Variants in IL1RAPL1 observed in about 807,000 individuals in gnomAD.
IL1RAPL1 encodes the protein interleukin-1 receptor accessory protein-like 1.
Under a neutral mutation model 48.4 loss-of-function variants are expected in IL1RAPL1, and 3 were observed. The ratio of observed to expected loss-of-function variants is 0.06; its 90% confidence interval spans 0.03 to 0.16. IL1RAPL1 has a LOEUF of 0.16. Among genes scored for constraint, IL1RAPL1 ranks in the 10% least tolerant of loss-of-function variants. The pLI is 1.00. For missense variants in IL1RAPL1, 349 were observed against 530.6 expected, an observed-to-expected ratio of 0.66 and a Z score of 3.36; for synonymous variants, 185 against 187.7, an observed-to-expected ratio of 0.99 and a Z score of 0.12.
intron 1 of IL1RAPL1, among the ~76,000 whole-genome samples, chrX:28,710,383 C>T (rs1185916397): frequency 9.1e-6 from 1 of 110,175 alleles, no homozygotes; most frequent in African/African-American, 3.3e-5. Flanking sequence ...GGGAGATAGT[C>T]TTAAATGGGG....
chrX:29,668,381 A>G, intron 5 of IL1RAPL1, 49 bp from the exon 6 acceptor site: 2 of 1,037,613 alleles, frequency 1.9e-6, no homozygotes, highest in Non-Finnish European at 2.7e-6. Flanking sequence ...TTTTAGTTTT[A>G]TGCAGCATAA....
At chrX:28,858,716 G>A (rs1366057508) in intron 2 of IL1RAPL1, among the ~76,000 whole-genome samples, 3 of 112,573 alleles carry the variant, frequency 2.7e-5, no homozygotes, top group African/African-American at 6.4e-5. Context: ...CGCAACTCGC[G>A]TTATTGAGGC....
intron 1 of IL1RAPL1, among the ~76,000 whole-genome samples, chrX:28,656,508 TC>T (rs1934748639): frequency 9.0e-6 from 1 of 110,951 alleles, no homozygotes; most frequent in East Asian, 2.9e-4. Flanking sequence ...TTTCTTTCTG[TC>T]CCCATCCTTG....
chrX:29,801,455 T>C (rs1929902837), intron 6 of IL1RAPL1, among the ~76,000 whole-genome samples: 1 of 110,976 alleles, frequency 9.0e-6, no homozygotes, highest in Admixed American at 9.7e-5. Context: ...TTGCTGCTTT[T>C]GGAGGTCATT....
intron 2 of IL1RAPL1, among the ~76,000 whole-genome samples, chrX:28,950,075 C>G (rs1333048767): frequency 9.5e-6 from 1 of 104,941 alleles, no homozygotes; most frequent in Admixed American, 1.0e-4. Flanking sequence ...GGTTTTAGGT[C>G]TAACGTTTAA....
chrX:29,418,986 C>T (rs1934257927), intron 5 of IL1RAPL1, among the ~76,000 whole-genome samples: 1 of 111,931 alleles, frequency 8.9e-6, no homozygotes, highest in South Asian at 3.7e-4. Flanking sequence ...TTTATACTTT[C>T]GCAAGCTATT....
intron 2 of IL1RAPL1, among the ~76,000 whole-genome samples, chrX:29,264,571 C>T (rs960212468): frequency 1.8e-5 from 2 of 110,318 alleles, no homozygotes; most frequent in Non-Finnish European, 3.8e-5. Flanking sequence ...TAACACACTC[C>T]TAAAAAGAGT....
chrX:29,080,925 TTTC>T (rs1269220696), intron 2 of IL1RAPL1, among the ~76,000 whole-genome samples: 7 of 23,496 alleles, frequency 3.0e-4, no homozygotes, highest in African/African-American at 1.3e-3. Context: ...TTAAATATTT[TTTC>T]TTTCTTTCTT....
At chrX:29,795,499 C>T (rs1328361854) in intron 6 of IL1RAPL1, among the ~76,000 whole-genome samples, 1 of 112,185 alleles carries the variant, frequency 8.9e-6, no homozygotes, top group Admixed American at 9.4e-5. Context: ...TAGACTCAAC[C>T]TCCTGGGCTC....
intron 2 of IL1RAPL1, among the ~76,000 whole-genome samples, chrX:28,818,602 C>A (rs897861463): frequency 1.8e-5 from 2 of 110,409 alleles, no homozygotes; most frequent in African/African-American, 6.6e-5. Context: ...TTGGTTAATG[C>A]CTGAAAATTT....
At chrX:29,607,491 T>G (rs1356778971) in intron 5 of IL1RAPL1, among the ~76,000 whole-genome samples, 1 of 111,969 alleles carries the variant, frequency 8.9e-6, no homozygotes, top group Non-Finnish European at 1.9e-5. Context: ...CACATGTGCC[T>G]TCTTTGAAGA....
Position 29,711,069 on chromosome X carries a change from T to TATACACACACAC in IL1RAPL1, c.778+42566_778+42567insTACACACACACA, listed in dbSNP as rs1555913970. 3.7e-3 allele frequency among the ~76,000 whole-genome samples: 317 copies of TATACACACACAC among 86,420 alleles called. 1 individual carries two copies. Among genetic ancestry groups the TATACACACACAC allele is most frequent in the Admixed American group, 6.5e-3 (49 of 7,501 alleles). The allele number at this position is 86,420 out of a possible 115,157, so 75.0% of individuals were successfully genotyped here. A position where few individuals can be genotyped will look rare whatever the true frequency, so the allele number is the denominator to read the frequency against. On this transcript the variant is annotated intron_variant, in intron 6 of 10. Coordinates refer to ENST00000378993, the MANE Select transcript of IL1RAPL1 (RefSeq NM_014271.4). ...GTGTGTGTGTGTGTGTGTGTGTGTA[T>TATACACACACAC]ACACACACACACACACACACAGATA...
At chrX:28,980,933 TA>T (rs777556954) in intron 2 of IL1RAPL1, among the ~76,000 whole-genome samples, 1 of 103,459 alleles carries the variant, frequency 9.7e-6, no homozygotes, top group South Asian at 4.5e-4. Context: ...TACTAAAAAT[TA>T]AAAAAAATTA....
chrX:29,606,648 A>G (rs758940897), intron 5 of IL1RAPL1, among the ~76,000 whole-genome samples: 2 of 112,258 alleles, frequency 1.8e-5, no homozygotes, highest in African/African-American at 6.5e-5. Flanking sequence ...TACAGTCTCT[A>G]CCACACAGAC....
intron 6 of IL1RAPL1, among the ~76,000 whole-genome samples, chrX:29,903,181 T>A (rs1179957049): frequency 2.4e-4 from 23 of 95,702 alleles, no homozygotes; most frequent in Admixed American, 6.6e-4. Flanking sequence ...TGTGTGTGTG[T>A]GTGAGAGAGA....
chrX:29,362,282 A>C (rs746216204), intron 3 of IL1RAPL1, among the ~76,000 whole-genome samples: 94 of 112,585 alleles, frequency 8.3e-4, no homozygotes, highest in Admixed American at 2.3e-3. Flanking sequence ...TGTCTTATTT[A>C]CTGCTGTATC....
intron 1 of IL1RAPL1, among the ~76,000 whole-genome samples, chrX:28,634,379 G>A (rs1351502975): frequency 1.8e-5 from 2 of 108,345 alleles, no homozygotes; most frequent in African/African-American, 6.7e-5. Context: ...ACATATACAC[G>A]TATGTACACG....
intron 2 of IL1RAPL1, among the ~76,000 whole-genome samples, chrX:29,097,384 C>G (rs1261760870): frequency 8.9e-6 from 1 of 111,976 alleles, no homozygotes. Context: ...GGTTCTGATT[C>G]AGATGCTCTT....
intron 3 of IL1RAPL1, among the ~76,000 whole-genome samples, chrX:29,331,557 T>C (rs1252302117): frequency 8.9e-6 from 1 of 111,973 alleles, no homozygotes; most frequent in Admixed American, 9.5e-5. Context: ...AATCTGAAAG[T>C]CACCAAGGAG....
Sources: gnomAD v4.1 joint callset for allele counts (sites outside exome capture counted in the v4.1 genomes callset) on GRCh38, gnomAD v4.1.1 for gene constraint, MANE v1.5 for transcripts, NCBI Gene and HGNC (gene_info 2026-07-23, HGNC 2026-07-21) for gene names.